Variants in DFFA observed in about 807,000 individuals in gnomAD.
DFFA encodes DFF45.
DFFA carries 14 observed loss-of-function variants against 28.0 expected under a neutral mutation model. That is an observed-to-expected ratio of 0.50 (90% CI 0.33 to 0.78). The LOEUF is 0.78. Ranked by LOEUF, DFFA falls within the 30% of genes least tolerant of loss-of-function variation. The probability of loss-of-function intolerance (pLI) is 0.02; values close to 1 mark genes in which losing one functional copy is unlikely to be tolerated. For synonymous variants in DFFA, 158 were observed against 170.3 expected, an observed-to-expected ratio of 0.93 and a Z score of 0.56; for missense variants, 395 against 407.1, an observed-to-expected ratio of 0.97 and a Z score of 0.26.
At chr1:10,469,669 C>T (rs527849399) in intron 1 of DFFA, among the ~76,000 whole-genome samples, 21 of 152,158 alleles carry the variant, frequency 1.4e-4, no homozygotes, top group African/African-American at 5.1e-4. Context: ...TATAGGCGTG[C>T]ACCACCATGT....
chr1:10,467,123 A>G, intron 3 of DFFA, 67 bp downstream of exon 3: 1 of 1,581,250 alleles, frequency 6.3e-7, no homozygotes, highest in Non-Finnish European at 8.7e-7. Context: ...TATGGAAGCT[A>G]AGAAGGTGCT....
At chr1:10,466,952 CAAAA>C (rs34597195) in intron 3 of DFFA, among the ~76,000 whole-genome samples, 11 of 32,724 alleles carry the variant, frequency 3.4e-4, no homozygotes, top group Non-Finnish European at 8.3e-4. Context: ...GACTGTGTCT[CAAAA>C]AAAAAAAAAA....
Position 10,472,484 on chromosome 1 carries a change from C to T in DFFA, c.-26G>A. ...CCTCCACAAGGTGGGACCTGCCCACCTTCGAGAAGTCGCGGGAGGCCGGAG... is the reference window on the plus strand; with the variant it reads ...CCTCCACAAGGTGGGACCTGCCCACTTTCGAGAAGTCGCGGGAGGCCGGAG... On this transcript the variant is annotated 5_prime_UTR_variant, in exon 1 of 6. Transcript: ENST00000377038. This position sits in a 1 kb window ranked among gnomAD's most constrained non-coding sequence, Gnocchi z 5.0. 5 of 1,568,324 alleles carry T rather than the reference C, an allele frequency of 3.2e-6. No individual in the cohort carries two copies. Among genetic ancestry groups the T allele is most frequent in the Non-Finnish European group, 4.3e-6 (5 of 1,152,578 alleles).
At chr1:10,462,082 T>C (rs183400141) in intron 5 of DFFA, among the ~76,000 whole-genome samples, 100 of 152,250 alleles carry the variant, frequency 6.6e-4, no homozygotes, top group African/African-American at 2.3e-3. Flanking sequence ...ATGGTCTCGA[T>C]CTCCTGACCT....
At chr1:10,468,892 C>T (rs575913088) in intron 2 of DFFA, among the ~76,000 whole-genome samples, 151 of 152,240 alleles carry the variant, frequency 9.9e-4, no homozygotes, top group African/African-American at 3.3e-3. Flanking sequence ...GTGCCTGCCA[C>T]CATGCTCAGC....
rs560502409 is a variant in DFFA, at chr1:10,469,045, A to G, written c.298+132T>C. 5.2e-6 allele frequency: 5 copies of G among 965,054 alleles called. No individual in the cohort carries two copies. In the African/African-American group the frequency reaches 6.5e-5, roughly 13 times the overall value. 59.8% of individuals were successfully genotyped at this position (965,054 alleles called of 1,614,324 possible). A position where few individuals can be genotyped will look rare whatever the true frequency, so the allele number is the denominator to read the frequency against. On this transcript the variant is annotated intron_variant, in intron 2 of 5. Coordinates refer to ENST00000377038, the MANE Select transcript of DFFA (RefSeq NM_004401.3). ...ACTCAGCACCATGTCTGGCACATAG[A>G]AAGTGCTCAGTAAATATCTGTTGAA...
chr1:10,471,357 T>C (rs184593722), intron 1 of DFFA, among the ~76,000 whole-genome samples: 22 of 152,304 alleles, frequency 1.4e-4, no homozygotes, highest in African/African-American at 4.6e-4. Flanking sequence ...ATGTATGCGC[T>C]GGACTGCAGA....
chr1:10,465,945 G>A (rs1263982762), intron 3 of DFFA, among the ~76,000 whole-genome samples: 1 of 150,606 alleles, frequency 6.6e-6, no homozygotes, highest in Non-Finnish European at 1.5e-5. Flanking sequence ...TAGGATTACA[G>A]GTATAAGCCA....
At chr1:10,462,948 G>A (rs554465673) in intron 5 of DFFA, 110 bp downstream of exon 5, 1 of 1,533,732 alleles carries the variant, frequency 6.5e-7, no homozygotes, top group South Asian at 1.2e-5. Flanking sequence ...TGGCAGCTAG[G>A]ATTCACAGTC....
Position 10,472,258 on chromosome 1 carries a change from C to T in DFFA, c.136+65G>A, listed in dbSNP as rs563123947. ...AGTCGCCTCTCCTGACCCCGCCTCG[C>T]CCCCGCCGGACGTCCTCACCCGGCC... On this transcript the variant is annotated intron_variant, in intron 1 of 5. Coordinates refer to ENST00000377038, the MANE Select transcript of DFFA (RefSeq NM_004401.3). This position sits in a 1 kb window ranked among gnomAD's most constrained non-coding sequence, Gnocchi z 5.0. 2 of 1,500,330 alleles carry T rather than the reference C, an allele frequency of 1.3e-6. No homozygotes were observed. The highest frequency in any genetic ancestry group is 2.6e-5 in the South Asian group (2 of 76,646). The allele number at this position is 1,500,330 out of a possible 1,614,324, so 92.9% of individuals were successfully genotyped here.
rs1640885176 is a variant in DFFA, at chr1:10,458,210, A to T, written c.*3280T>A. ...AGCGATTCCGTGTGTAAGTGCAAGC[A>T]TCTGACAGTGAAACACACACCACTT... On this transcript the variant is annotated 3_prime_UTR_variant, in exon 6 of 6. Coordinates refer to ENST00000377038, the MANE Select transcript of DFFA (RefSeq NM_004401.3). 6.6e-6 allele frequency: 1 copy of T among 152,212 alleles called. No homozygotes were observed. The highest frequency in any genetic ancestry group is 2.1e-4 in the South Asian group (1 of 4,828). 9.4% of individuals were successfully genotyped at this position (152,212 alleles called of 1,614,324 possible). A position where few individuals can be genotyped will look rare whatever the true frequency, so the allele number is the denominator to read the frequency against.
In DFFA at chr1:10,471,062, C is replaced by CAAA. The variant is rs59465527; in HGVS notation, c.136+1258_136+1260dup. Among the ~76,000 whole-genome samples the CAAA allele has an allele frequency of 1.5e-3, 148 of 96,406 alleles. 1 individual carries two copies. The highest frequency in any genetic ancestry group is 5.2e-3 in the Middle Eastern group (1 of 194). The allele number at this position is 96,406 out of a possible 152,430, so 63.2% of individuals were successfully genotyped here. On this transcript the variant is annotated intron_variant, in intron 1 of 5. Transcript: ENST00000377038. ...TGGGTGACAGAGTGACACTCCGTCT[C>CAAA]AAAAAAAAAAAAAAAAAAAGAAAAT...
chr1:10,469,034 C>G, intron 2 of DFFA, 143 bp downstream of exon 2: 2 of 861,004 alleles, frequency 2.3e-6, no homozygotes, highest in Middle Eastern at 3.6e-4. Flanking sequence ...AGCACCATGT[C>G]TGGCACATAG....
rs1375799615 is a variant in DFFA, at chr1:10,461,629, T to C, written c.857A>G (p.Gln286Arg). The C allele has an allele frequency of 6.2e-7, 1 of 1,614,260 alleles. No individual in the cohort carries two copies. ...NWDIKKTETV[Q>R]EACERELALR... ...GGCGAGCTCCCGCTCACAGGCCTCC[T>C]GAACAGTCTCCGTCTTCTTTATGTC... The change falls in exon 6 of 6, where the codon CAG becomes CGG. Residue 286 changes from glutamine (Q) to arginine (R), a missense_variant. By Grantham distance (43) the Gln-to-Arg change is conservative (BLOSUM62 1). Transcript: ENST00000377038.
chr1:10,457,681 C>T lies in DFFA; in HGVS notation c.*3809G>A, dbSNP rs141032835. The stretch of plus-strand genomic sequence containing the variant: ...CAACAGAGCAAAGCCTCAAACAAAA[C>T]GAAAACGAAACAAAACAAATATAGT... On this transcript the variant is annotated 3_prime_UTR_variant, in exon 6 of 6. Transcript: ENST00000377038. 4.6e-5 allele frequency: 7 copies of T among 152,208 alleles called. No homozygotes were observed. Among genetic ancestry groups the T allele is most frequent in the East Asian group, 3.9e-4 (2 of 5,166 alleles). 9.4% of individuals were successfully genotyped at this position (152,208 alleles called of 1,614,324 possible).
Position 10,469,196 on chromosome 1 carries a change from T to C in DFFA, c.279A>G (p.Lys93=). The change falls in exon 2 of 6, where the codon AAA becomes AAG. Residue 93 remains lysine, a synonymous_variant. Coordinates refer to ENST00000377038, the MANE Select transcript of DFFA (RefSeq NM_004401.3). ...TCTTACCTGAATTGTTGTATGCCCA[T>C]TTCTCATTACTAGCCAATGCCACAA... The part of the protein sequence containing the change: ...TKFVALASNE[K]WAYNNSDGGT... 1 of 1,614,188 alleles carries C rather than the reference T, an allele frequency of 6.2e-7. No homozygotes were observed. The highest frequency in any genetic ancestry group is 8.5e-7 in the Non-Finnish European group (1 of 1,180,022).
chr1:10,462,977 G>A, intron 5 of DFFA, 81 bp downstream of exon 5: 2 of 1,585,550 alleles, frequency 1.3e-6, no homozygotes, highest in Non-Finnish European at 1.7e-6. Context: ...TGAACAAAAG[G>A]GCCCACACAC....
intron 3 of DFFA, 36 bp downstream of exon 3, chr1:10,467,154 G>A: frequency 6.2e-7 from 1 of 1,611,976 alleles, no homozygotes; most frequent in Non-Finnish European, 8.5e-7. Context: ...GCAGAGGCTG[G>A]ATGAACATTG....
chr1:10,462,139 T>C (rs1340118794), intron 5 of DFFA, among the ~76,000 whole-genome samples: 1 of 152,016 alleles, frequency 6.6e-6, no homozygotes, highest in Non-Finnish European at 1.5e-5. Flanking sequence ...ATTACAGGCG[T>C]GAGCCACCGC....
Sources: gnomAD v4.1 joint callset for allele counts (sites outside exome capture counted in the v4.1 genomes callset) on GRCh38, gnomAD v4.1.1 for gene constraint, Gnocchi (gnomAD v3.1) non-coding constraint, MANE v1.5 for transcripts, NCBI Gene and HGNC (gene_info 2026-07-23, HGNC 2026-07-21) for gene names.